Variants in RANBP2 observed in about 807,000 individuals in gnomAD.
RANBP2 encodes E3 SUMO-protein ligase RanBP2.
In RANBP2, 57 loss-of-function variants were observed where a neutral mutation model predicts 303.6. The observed-to-expected ratio is 0.19, with a 90% CI of 0.15 to 0.23. The LOEUF (loss-of-function observed/expected upper bound fraction) is 0.23, where lower values mean the gene tolerates loss of function less well. Among genes scored for constraint, RANBP2 ranks in the 10% least tolerant of loss-of-function variants. The pLI, the probability that RANBP2 is intolerant of heterozygous loss-of-function variation, is 1.00. For synonymous variants in RANBP2, 1,167 were observed against 1,301.5 expected, an observed-to-expected ratio of 0.90 and a Z score of 2.23; for missense variants, 3,138 against 3,780.8, an observed-to-expected ratio of 0.83 and a Z score of 4.46.
chr2:109,386,346 G>A, the RANBP2 span, among the ~76,000 whole-genome samples: 94 of 152,262 alleles, frequency 6.2e-4, no homozygotes, highest in African/African-American at 2.1e-3. Flanking sequence ...AAGCAGCAGG[G>A]AAGGTCAGGC....
the RANBP2 span, among the ~76,000 whole-genome samples, chr2:109,538,737 C>T: frequency 6.6e-6 from 1 of 152,120 alleles, no homozygotes; most frequent in African/African-American, 2.4e-5. Flanking sequence ...CCAGGCTGGT[C>T]TTGAATTCCT....
chr2:109,570,370 C>G, the RANBP2 span, among the ~76,000 whole-genome samples: 1 of 152,090 alleles, frequency 6.6e-6, no homozygotes, highest in African/African-American at 2.4e-5. Flanking sequence ...ACAGTTGCCC[C>G]CCTCATCATC....
the RANBP2 span, among the ~76,000 whole-genome samples, chr2:109,532,042 C>T: frequency 6.6e-6 from 1 of 152,336 alleles, no homozygotes; most frequent in South Asian, 2.1e-4. Flanking sequence ...CACGGGACCC[C>T]ACGGCACCAG....
chr2:109,647,771 G>T, the RANBP2 span, among the ~76,000 whole-genome samples: 38 of 152,098 alleles, frequency 2.5e-4, no homozygotes, highest in South Asian at 7.5e-3. Flanking sequence ...CGCCCGGCTC[G>T]GCTCTCCTCA....
the RANBP2 span, among the ~76,000 whole-genome samples, chr2:109,681,708 T>A: frequency 2.0e-5 from 3 of 152,202 alleles, no homozygotes; most frequent in African/African-American, 7.2e-5. Context: ...ATAGAGGTCA[T>A]CTGTGGGGTC....
chr2:109,521,437 C>A, the RANBP2 span, among the ~76,000 whole-genome samples: 1 of 152,104 alleles, frequency 6.6e-6, no homozygotes, highest in Admixed American at 6.5e-5. Context: ...ACTTCAGTAG[C>A]ACCACCGAGC....
chr2:108,749,226 T>C lies in RANBP2; in HGVS notation c.1273+97T>C. On this transcript the variant is annotated intron_variant, in intron 9 of 28. Transcript: ENST00000283195. ...GAAATAACGACTTAATATTTTCCTGTATTCCTTTTGTGTGTGGGTTGGGCT... is the reference window on the plus strand; with the variant it reads ...GAAATAACGACTTAATATTTTCCTGCATTCCTTTTGTGTGTGGGTTGGGCT... The C allele has an allele frequency of 2.5e-6, 4 of 1,586,512 alleles. No homozygotes were observed. The South Asian group carries it at 3.3e-5, about 13-fold the overall frequency.
the RANBP2 span, among the ~76,000 whole-genome samples, chr2:109,168,847 T>C: frequency 6.6e-6 from 1 of 152,072 alleles, no homozygotes; most frequent in African/African-American, 2.4e-5. Flanking sequence ...TCAGTGAGAG[T>C]TGTCTTTGGA....
the RANBP2 span, among the ~76,000 whole-genome samples, chr2:109,093,164 ACTT>A: frequency 4.6e-5 from 7 of 152,190 alleles, no homozygotes; most frequent in Non-Finnish European, 8.8e-5. Flanking sequence ...GCTGCCCTAG[ACTT>A]CTTCTGGGAA....
At chr2:109,709,583 A>T in the RANBP2 span, among the ~76,000 whole-genome samples, 1 of 152,168 alleles carries the variant, frequency 6.6e-6, no homozygotes, top group Non-Finnish European at 1.5e-5. Flanking sequence ...GGTGGAAATC[A>T]TCACAGCACC....
chr2:109,709,408 C>T, the RANBP2 span, among the ~76,000 whole-genome samples: 1 of 151,752 alleles, frequency 6.6e-6, no homozygotes, highest in Admixed American at 6.6e-5. Flanking sequence ...AGCTTTGCTG[C>T]CTGCTCCTGG....
At chr2:108,982,153 G>C in the RANBP2 span, among the ~76,000 whole-genome samples, 1 of 152,180 alleles carries the variant, frequency 6.6e-6, no homozygotes, top group Admixed American at 6.5e-5. Flanking sequence ...ATTTCTATTA[G>C]ATCTCCCAAA....
chr2:109,765,466 G>C, the RANBP2 span, among the ~76,000 whole-genome samples: 1 of 150,324 alleles, frequency 6.7e-6, no homozygotes, highest in African/African-American at 2.4e-5. Flanking sequence ...AGGACAGTGT[G>C]TTTTTTGGGA....
At chr2:109,370,245 C>CT in the RANBP2 span, among the ~76,000 whole-genome samples, 18,222 of 142,734 alleles carry the variant, frequency 0.13, 1,332 homozygotes, top group Middle Eastern at 0.24. Context: ...CTCTCTTTTT[C>CT]TTTTTTTTTT....
chr2:109,657,719 T>C, the RANBP2 span, among the ~76,000 whole-genome samples: 2 of 141,066 alleles, frequency 1.4e-5, no homozygotes, highest in Non-Finnish European at 3.1e-5. Flanking sequence ...GCTGAGTTTT[T>C]TTTTTTTTTT....
the RANBP2 span, chr2:109,449,021 G>A: frequency 1.1e-6 from 1 of 909,836 alleles, no homozygotes; most frequent in Non-Finnish European, 1.6e-6. Flanking sequence ...TTCTCCATCT[G>A]TGAAGAGGCC....
At chr2:109,564,648 T>C in the RANBP2 span, 1 of 889,296 alleles carries the variant, frequency 1.1e-6, no homozygotes, top group Non-Finnish European at 1.6e-6. Flanking sequence ...AAATAGCAAA[T>C]GATCAGTTTG....
the RANBP2 span, chr2:109,501,972 G>A: frequency 9.0e-6 from 3 of 333,652 alleles, no homozygotes; most frequent in Non-Finnish European, 1.7e-5. Flanking sequence ...GCCTGTGGCT[G>A]TGGTTTGCAG....
At chr2:109,235,712 G>A in the RANBP2 span, among the ~76,000 whole-genome samples, 1 of 152,208 alleles carries the variant, frequency 6.6e-6, no homozygotes, top group African/African-American at 2.4e-5. Context: ...GTGTGCAGTC[G>A]AGGCATCCCT....
Sources: allele counts gnomAD v4.1 joint callset (sites outside exome capture counted in the v4.1 genomes callset), GRCh38; gene constraint gnomAD v4.1.1; transcripts MANE v1.5; gene names NCBI Gene and HGNC (gene_info 2026-07-23, HGNC 2026-07-21).